Variants in GFRA1 observed in about 807,000 individuals in gnomAD.
GFRA1 encodes GDNF family receptor alpha 1.
GFRA1 carries 16 observed loss-of-function variants against 51.6 expected under a neutral mutation model. The observed-to-expected ratio is 0.31, with a 90% confidence interval of 0.21 to 0.47. The LOEUF (loss-of-function observed/expected upper bound fraction) is 0.47, where lower values mean the gene tolerates loss of function less well. GFRA1 is among the 20% of genes least tolerant of loss of function. The pLI is 1.00. For synonymous variants in GFRA1, 270 were observed against 241.3 expected, an observed-to-expected ratio of 1.12 and a Z score of -1.10; for missense variants, 530 against 594.3, an observed-to-expected ratio of 0.89 and a Z score of 1.13.
intron 9 of GFRA1, among the ~76,000 whole-genome samples, chr10:116,068,602 A>G (rs548001114): frequency 2.6e-5 from 4 of 152,310 alleles, no homozygotes; most frequent in African/African-American, 9.6e-5. Context: ...TGAGTCCTGT[A>G]GGCAGTGTGA....
rs565344778 is a variant in GFRA1 at position 116,248,860 on chromosome 10, C to T, written c.418+20643G>A. On this transcript the variant is annotated intron_variant, in intron 4 of 10. Transcript: ENST00000355422. ...TGGTCCTTCTCAAATGTGACAATGA[C>T]GACAGTGGGCTGAGAAAACCATGCA... Among the ~76,000 whole-genome samples the T allele has an allele frequency of 3.3e-5, 5 of 152,236 alleles. No individual in the cohort carries two copies. The East Asian group carries it at 5.8e-4, about 18-fold the overall frequency.
chr10:116,198,686 C>T (rs1320809437), intron 5 of GFRA1, among the ~76,000 whole-genome samples: 1 of 152,096 alleles, frequency 6.6e-6, no homozygotes, highest in Non-Finnish European at 1.5e-5. Context: ...CTCAGGGTGT[C>T]CTCCCTGTCC....
At chr10:116,250,337 C>T (rs913919072) in intron 4 of GFRA1, among the ~76,000 whole-genome samples, 1 of 152,212 alleles carries the variant, frequency 6.6e-6, no homozygotes, top group Non-Finnish European at 1.5e-5. Flanking sequence ...TAAGTCCCCA[C>T]TCTAGCCCCA....
At chr10:116,202,911 T>A (rs1964451076) in intron 5 of GFRA1, among the ~76,000 whole-genome samples, 1 of 152,042 alleles carries the variant, frequency 6.6e-6, no homozygotes, top group African/African-American at 2.4e-5. Flanking sequence ...GATGGGGTGC[T>A]GAAAAGAGGT....
At position 116,271,098 on chromosome 10, in the gene GFRA1, C is replaced by T. The variant is rs773188314; in HGVS notation, c.58G>A (p.Glu20Lys). 15 of 1,606,758 alleles carry T rather than the reference C, an allele frequency of 9.3e-6. No homozygotes were observed. In the South Asian group the frequency reaches 1.5e-4, roughly 16 times the overall value. The stretch of plus-strand genomic sequence containing the variant: ...TCCAGGCGGTCTCCGCCGCTCACTT[C>T]GGCCGACAGGAGCAAGTCTGCGGGG... ...LPLLDLLLSA[E>K]VSGGDRLDCV... Residue 20 changes from glutamate (E) to lysine (K), a missense_variant, in exon 3 of 11, where the codon GAA becomes AAA. Glu to Lys is a moderately conservative substitution (Grantham distance 56). Transcript: ENST00000355422.
At chr10:116,197,353 G>A (rs927360538) in intron 5 of GFRA1, among the ~76,000 whole-genome samples, 22 of 152,072 alleles carry the variant, frequency 1.4e-4, no homozygotes, top group Admixed American at 2.6e-4. Flanking sequence ...TACCAAACAC[G>A]GAATCTGCCA....
At chr10:116,096,587 C>T (rs565220515) in intron 7 of GFRA1, 68 bp downstream of exon 7, 29 of 842,292 alleles carry the variant, frequency 3.4e-5, no homozygotes, top group Middle Eastern at 3.2e-4. Flanking sequence ...ATCAGCAAGG[C>T]GCAATGGAAA....
At chr10:116,156,394 A>G (rs1959199366) in intron 5 of GFRA1, among the ~76,000 whole-genome samples, 1 of 152,056 alleles carries the variant, frequency 6.6e-6, no homozygotes, top group Non-Finnish European at 1.5e-5. Flanking sequence ...CATTCAGGGC[A>G]CAAATGATAT....
intron 6 of GFRA1, among the ~76,000 whole-genome samples, chr10:116,103,379 C>T (rs147831328): frequency 1.6e-3 from 249 of 152,320 alleles, no homozygotes; most frequent in African/African-American, 5.6e-3. Context: ...TAAAGAGAAA[C>T]ATACACTGTG....
Position 116,172,733 on chromosome 10 carries a change from CTG to C in GFRA1, c.433+38896_433+38897del, listed in dbSNP as rs200591351. Among the ~76,000 whole-genome samples the C allele has an allele frequency of 8.2e-3, 1,254 of 152,268 alleles. 15 individuals carry two copies. Among genetic ancestry groups the C allele is most frequent in the Non-Finnish European group, 0.011 (715 of 68,018 alleles). ...TCAGCAGGACTCAGCAGATATATGGCTGTGTGTCCAGGCCGAGGTGTGGGGGC... is the reference window on the plus strand; with the variant it reads ...TCAGCAGGACTCAGCAGATATATGGCTGTGTCCAGGCCGAGGTGTGGGGGC... On this transcript the variant is annotated intron_variant, in intron 5 of 10. Coordinates refer to ENST00000355422, the MANE Select transcript of GFRA1 (RefSeq NM_005264.8).
rs1956450809 is a variant in GFRA1 at position 116,093,693 on chromosome 10, C to T, written c.1015+9G>A. The T allele has an allele frequency of 6.2e-7, 1 of 1,613,100 alleles. No individual in the cohort carries two copies. On this transcript the variant is annotated intron_variant, in intron 8 of 10. Coordinates refer to ENST00000355422, the MANE Select transcript of GFRA1 (RefSeq NM_005264.8). The stretch of plus-strand genomic sequence containing the variant: ...TTGCTCCTTTGTTTCTTATTTTTTA[C>T]AAACTCACTAAGACATGTATTGTCC...
chr10:116,150,853 CGATTCAGAT>C (rs1215155006), intron 5 of GFRA1, among the ~76,000 whole-genome samples: 1 of 152,108 alleles, frequency 6.6e-6, no homozygotes, highest in Non-Finnish European at 1.5e-5. Context: ...CTGAAATAGA[CGATTCAGAT>C]GATTCAGATG....
At chr10:116,259,381 T>C (rs1242848638) in intron 4 of GFRA1, among the ~76,000 whole-genome samples, 2 of 148,450 alleles carry the variant, frequency 1.3e-5, no homozygotes, top group Non-Finnish European at 3.0e-5. Context: ...TGACAAAAAA[T>C]GGCCCTAGGC....
intron 4 of GFRA1, among the ~76,000 whole-genome samples, chr10:116,244,706 A>C (rs1220972396): frequency 6.6e-6 from 1 of 152,008 alleles, no homozygotes; most frequent in African/African-American, 2.4e-5. Context: ...ATAGGATTCC[A>C]AAGTTGAGGG....
chr10:116,081,828 GTTTTAA>G (rs1565560309), intron 9 of GFRA1, among the ~76,000 whole-genome samples: 4 of 152,234 alleles, frequency 2.6e-5, no homozygotes, highest in South Asian at 2.1e-4. Flanking sequence ...CTTTTTTATG[GTTTTAA>G]TTTTAATATT....
At chr10:116,174,555 A>T (rs570317494) in intron 5 of GFRA1, among the ~76,000 whole-genome samples, 1 of 152,348 alleles carries the variant, frequency 6.6e-6, no homozygotes, top group South Asian at 2.1e-4. Flanking sequence ...ATTTGATTCT[A>T]GAAATCAGAA....
intron 4 of GFRA1, among the ~76,000 whole-genome samples, chr10:116,213,926 T>A (rs909512070): frequency 2.0e-5 from 3 of 152,188 alleles, no homozygotes; most frequent in African/African-American, 7.2e-5. Flanking sequence ...CCAACTGGGA[T>A]GTAAATGGGT....
intron 5 of GFRA1, among the ~76,000 whole-genome samples, chr10:116,169,802 AGG>A (rs1960849521): frequency 6.6e-6 from 1 of 152,166 alleles, no homozygotes; most frequent in Non-Finnish European, 1.5e-5. Flanking sequence ...ACAAGGACCC[AGG>A]TGCGGGTGCA....
At chr10:116,217,256 C>T (rs1419716004) in intron 4 of GFRA1, among the ~76,000 whole-genome samples, 1 of 152,156 alleles carries the variant, frequency 6.6e-6, no homozygotes, top group African/African-American at 2.4e-5. Context: ...CAACCCCTTA[C>T]CAAGTGGACA....
Sources: gnomAD v4.1 joint callset for allele counts (sites outside exome capture counted in the v4.1 genomes callset) on GRCh38, gnomAD v4.1.1 for gene constraint, MANE v1.5 for transcripts, NCBI Gene and HGNC (gene_info 2026-07-23, HGNC 2026-07-21) for gene names.